Variants in LHFPL3 observed in about 807,000 individuals in gnomAD.
LHFPL3 encodes the protein LHFPL tetraspan subfamily member 3 protein.
Under a neutral mutation model 19.3 loss-of-function variants are expected in LHFPL3, and 5 were observed. That is an observed-to-expected ratio of 0.26 (90% CI 0.14 to 0.54). The LOEUF (loss-of-function observed/expected upper bound fraction) is 0.54. LHFPL3 is among the 20% of genes least tolerant of loss of function. The pLI is 0.94. For synonymous variants in LHFPL3, 133 were observed against 126.2 expected (o/e 1.05, Z -0.36); for missense variants, 249 against 307.4 (o/e 0.81, Z 1.42).
chr7:104,433,012 G>C (rs1792031306), intron 1 of LHFPL3, among the ~76,000 whole-genome samples: 1 of 152,100 alleles, frequency 6.6e-6, no homozygotes, highest in Non-Finnish European at 1.5e-5. Flanking sequence ...TCTCGGGTAA[G>C]CTTTGCACTG....
At chr7:104,408,790 C>T (rs186687530) in intron 1 of LHFPL3, among the ~76,000 whole-genome samples, 4 of 151,696 alleles carry the variant, frequency 2.6e-5, no homozygotes, top group African/African-American at 9.7e-5. Flanking sequence ...GATAGACTAG[C>T]AATGTCTGCC....
At chr7:104,628,196 A>G (rs1791580891) in intron 1 of LHFPL3, among the ~76,000 whole-genome samples, 6 of 152,270 alleles carry the variant, frequency 3.9e-5, no homozygotes, top group African/African-American at 2.4e-5. Context: ...CCTGCTCTAC[A>G]TCAGTGCTGA....
chr7:104,521,992 A>T (rs1309334336), intron 1 of LHFPL3, among the ~76,000 whole-genome samples: 1 of 152,002 alleles, frequency 6.6e-6, no homozygotes. Context: ...TTCCTCAGGG[A>T]TCTAGAACTG....
At chr7:104,711,071 G>C (rs1413429400) in intron 1 of LHFPL3, among the ~76,000 whole-genome samples, 1 of 152,232 alleles carries the variant, frequency 6.6e-6, no homozygotes, top group Non-Finnish European at 1.5e-5. Flanking sequence ...TCAATACCTA[G>C]AGATAAAGGA....
chr7:104,729,915 G>T (rs1171343839), intron 1 of LHFPL3, among the ~76,000 whole-genome samples: 1 of 150,798 alleles, frequency 6.6e-6, no homozygotes, highest in Admixed American at 6.6e-5. Flanking sequence ...CCCACAACAG[G>T]CCCCAGTGTG....
At chr7:104,489,539 TA>T (rs1793300076) in intron 1 of LHFPL3, among the ~76,000 whole-genome samples, 1 of 150,828 alleles carries the variant, frequency 6.6e-6, no homozygotes, top group Non-Finnish European at 1.5e-5. Flanking sequence ...TGTGTCTCCA[TA>T]AATATTTATT....
chr7:104,903,023 A>C (rs1309943937), intron 2 of LHFPL3, among the ~76,000 whole-genome samples: 1 of 152,086 alleles, frequency 6.6e-6, no homozygotes, highest in Non-Finnish European at 1.5e-5. Flanking sequence ...CTTCCCAGGG[A>C]GACATCTGCC....
chr7:104,391,935 C>T (rs1369315747), intron 1 of LHFPL3, among the ~76,000 whole-genome samples: 1 of 152,058 alleles, frequency 6.6e-6, no homozygotes, highest in African/African-American at 2.4e-5. Flanking sequence ...GTATTTTATT[C>T]TTTTTGAAGC....
At chr7:104,543,087 A>T (rs1218565957) in intron 1 of LHFPL3, among the ~76,000 whole-genome samples, 1 of 152,128 alleles carries the variant, frequency 6.6e-6, no homozygotes, top group Non-Finnish European at 1.5e-5. Context: ...TGACTCATTA[A>T]GTGTGAGTTG....
At chr7:104,729,703 A>G (rs1460553146) in intron 1 of LHFPL3, among the ~76,000 whole-genome samples, 2 of 151,998 alleles carry the variant, frequency 1.3e-5, no homozygotes, top group African/African-American at 4.8e-5. Context: ...AAAGGATTTC[A>G]TTTTTTGATG....
At chr7:104,831,385 G>C (rs1168637963) in intron 2 of LHFPL3, among the ~76,000 whole-genome samples, 1 of 151,976 alleles carries the variant, frequency 6.6e-6, no homozygotes, top group African/African-American at 2.4e-5. Flanking sequence ...AAGAAAAACT[G>C]AGTTTGTTTC....
intron 1 of LHFPL3, among the ~76,000 whole-genome samples, chr7:104,503,885 A>C (rs1430206058): frequency 6.6e-6 from 1 of 152,142 alleles, no homozygotes; most frequent in Non-Finnish European, 1.5e-5. Context: ...TTTTTTCTTA[A>C]GTCCACCCAA....
At chr7:104,574,662 T>C (rs902780228) in intron 1 of LHFPL3, among the ~76,000 whole-genome samples, 4 of 152,218 alleles carry the variant, frequency 2.6e-5, no homozygotes, top group Admixed American at 6.5e-5. Flanking sequence ...GTCTATATTA[T>C]ACATTTTTGA....
At chr7:104,613,415 TG>T (rs1158407725) in intron 1 of LHFPL3, among the ~76,000 whole-genome samples, 1 of 152,184 alleles carries the variant, frequency 6.6e-6, no homozygotes, top group Non-Finnish European at 1.5e-5. Context: ...TAATTGCAAA[TG>T]GTCCTCAATG....
chr7:104,427,738 GA>G (rs1358172523), intron 1 of LHFPL3, among the ~76,000 whole-genome samples: 1 of 152,182 alleles, frequency 6.6e-6, no homozygotes, highest in Non-Finnish European at 1.5e-5. Flanking sequence ...GGTTGATGTG[GA>G]ATCAGAAGTT....
Position 104,578,706 on chromosome 7 carries a change from C to G in LHFPL3, c.446-157969C>G, listed in dbSNP as rs540454833. On this transcript the variant is annotated intron_variant, in intron 1 of 2. Transcript: ENST00000424859. Reference sequence around the variant, plus strand: ...ATAGATTGTGCTTGACAGTACCCCCCTACCCCCAACCAGTAAGGACCACTA... The same window carrying G: ...ATAGATTGTGCTTGACAGTACCCCCGTACCCCCAACCAGTAAGGACCACTA... Among the ~76,000 whole-genome samples the G allele has an allele frequency of 3.9e-4, 59 of 152,260 alleles. 1 individual carries two copies. The South Asian group carries it at 0.012, about 31-fold the overall frequency.
chr7:104,607,633 C>A (rs1791127820), intron 1 of LHFPL3, among the ~76,000 whole-genome samples: 1 of 152,066 alleles, frequency 6.6e-6, no homozygotes, highest in African/African-American at 2.4e-5. Context: ...CAACAAAAGA[C>A]AAAATTGACA....
intron 1 of LHFPL3, among the ~76,000 whole-genome samples, chr7:104,650,915 G>T (rs566916489): frequency 6.6e-6 from 1 of 152,194 alleles, no homozygotes; most frequent in Non-Finnish European, 1.5e-5. Flanking sequence ...AAGAGAGTTT[G>T]GTTAAAAAAA....
rs561993867 is a variant in LHFPL3, at chr7:104,501,623, G to A, written c.445+172399G>A. ...TGGAGGTTTGAGGCTGTATTTCCCA[G>A]GCCTTGCTTTTCTCTGACGTCCACC... On this transcript the variant is annotated intron_variant, in intron 1 of 2. Transcript: ENST00000424859. Among the ~76,000 whole-genome samples the A allele has an allele frequency of 5.3e-5, 8 of 152,208 alleles. No homozygotes were observed. The South Asian group carries it at 1.7e-3, about 32-fold the overall frequency.
Sources: allele counts gnomAD v4.1 joint callset (sites outside exome capture counted in the v4.1 genomes callset), GRCh38; gene constraint gnomAD v4.1.1; transcripts MANE v1.5; gene names NCBI Gene and HGNC (gene_info 2026-07-23, HGNC 2026-07-21).